FOXP1: variants seen among roughly 807,000 people sequenced by gnomAD.
The protein encoded by FOXP1 is forkhead box protein P1.
FOXP1 carries 15 observed loss-of-function variants against 98.2 expected under a neutral mutation model. The observed-to-expected ratio is 0.15, with a 90% confidence interval of 0.10 to 0.24. FOXP1 has a LOEUF of 0.24. Ranked by LOEUF, FOXP1 falls within the 10% of genes least tolerant of loss-of-function variation. The pLI, the probability that FOXP1 is intolerant of heterozygous loss-of-function variation, is 1.00. For synonymous variants in FOXP1, 371 were observed against 314.5 expected, an observed-to-expected ratio of 1.18 and a Z score of -1.90; for missense variants, 633 against 848.5, an observed-to-expected ratio of 0.75 and a Z score of 3.15.
chr3:71,019,368 A>C (rs1281297005), intron 11 of FOXP1, among the ~76,000 whole-genome samples: 1 of 152,246 alleles, frequency 6.6e-6, no homozygotes, highest in East Asian at 1.9e-4. Context: ...TGATGAAAAT[A>C]GATACATTTT....
intron 7 of FOXP1, among the ~76,000 whole-genome samples, chr3:71,081,314 C>T (rs2054389269): frequency 6.6e-6 from 1 of 152,110 alleles, no homozygotes; most frequent in Non-Finnish European, 1.5e-5. Flanking sequence ...AACCCTCAGC[C>T]ATTATCCTGG....
intron 3 of FOXP1, among the ~76,000 whole-genome samples, chr3:71,362,998 T>C (rs1388851944): frequency 6.6e-6 from 1 of 152,190 alleles, no homozygotes; most frequent in Non-Finnish European, 1.5e-5. Flanking sequence ...TCTAGTCTAC[T>C]AAACCTTGTA....
chr3:71,532,378 T>G (rs1192068511), intron 2 of FOXP1, among the ~76,000 whole-genome samples: 1 of 152,176 alleles, frequency 6.6e-6, no homozygotes, highest in Non-Finnish European at 1.5e-5. Context: ...ATTACAGGCA[T>G]GAGCCACCAC....
At position 71,373,924 on chromosome 3, in the gene FOXP1, G is replaced by A. The variant is rs569278760; in HGVS notation, c.-167-14680C>T. 8.2e-4 allele frequency among the ~76,000 whole-genome samples: 125 copies of A among 152,284 alleles called. 1 individual carries two copies. The highest frequency in any genetic ancestry group is 3.4e-3 in the Middle Eastern group (1 of 294). On this transcript the variant is annotated intron_variant, in intron 3 of 20. Transcript: ENST00000649528. The stretch of plus-strand genomic sequence containing the variant: ...GGTTTGCTGAATCTTTTCAAATAAA[G>A]TTCTGTTTCTATATACTGCAGGAGG...
chr3:71,045,692 C>A (rs2048928137), intron 10 of FOXP1, among the ~76,000 whole-genome samples: 1 of 152,008 alleles, frequency 6.6e-6, no homozygotes, highest in South Asian at 2.1e-4. Flanking sequence ...AGGAAAAAGC[C>A]CTGGTCTCGA....
At chr3:71,003,937 C>T (rs750955559) in intron 12 of FOXP1, among the ~76,000 whole-genome samples, 1 of 151,950 alleles carries the variant, frequency 6.6e-6, no homozygotes, top group East Asian at 1.9e-4. Context: ...GGCATGCTTC[C>T]GTGCTCAACT....
chr3:71,031,298 A>C (rs2046832957), intron 11 of FOXP1, among the ~76,000 whole-genome samples: 1 of 152,204 alleles, frequency 6.6e-6, no homozygotes. Flanking sequence ...AAGACTATAA[A>C]AGGAATGAAA....
At chr3:71,497,287 A>G (rs2091486479) in intron 2 of FOXP1, among the ~76,000 whole-genome samples, 1 of 152,210 alleles carries the variant, frequency 6.6e-6, no homozygotes. Context: ...GAAGTTTATC[A>G]CCTCTCTATA....
intron 7 of FOXP1, among the ~76,000 whole-genome samples, chr3:71,098,593 T>C (rs2107650151): frequency 6.6e-6 from 1 of 152,308 alleles, no homozygotes; most frequent in East Asian, 1.9e-4. Flanking sequence ...TGAACCAGTA[T>C]CAATTTTCCT....
chr3:70,994,075 G>C (rs1159856106), intron 13 of FOXP1, among the ~76,000 whole-genome samples: 3 of 151,776 alleles, frequency 2.0e-5, no homozygotes, highest in African/African-American at 7.3e-5. Context: ...GAAATAGGGT[G>C]GTGTGTACTC....
At chr3:71,329,890 T>C (rs955063676) in intron 4 of FOXP1, 29 of 152,310 alleles carry the variant, frequency 1.9e-4, no homozygotes, top group African/African-American at 7.0e-4. Context: ...CGAGTGTTCA[T>C]TTGACAAGAC....
chr3:71,206,705 T>C (rs1322342240), intron 5 of FOXP1, among the ~76,000 whole-genome samples: 1 of 152,238 alleles, frequency 6.6e-6, no homozygotes, highest in African/African-American at 2.4e-5. Flanking sequence ...ACTGTCTTCA[T>C]CAAACTTTCT....
intron 6 of FOXP1, among the ~76,000 whole-genome samples, chr3:71,128,258 C>T (rs576756653): frequency 6.6e-6 from 1 of 151,082 alleles, no homozygotes; most frequent in East Asian, 1.9e-4. Flanking sequence ...CAGTGAATGC[C>T]TACATATTAA....
chr3:71,405,051 C>A (rs1300869167), intron 3 of FOXP1, among the ~76,000 whole-genome samples: 1 of 152,188 alleles, frequency 6.6e-6, no homozygotes, highest in African/African-American at 2.4e-5. Context: ...AGGCACTGCA[C>A]CAGCACGCAG....
chr3:71,459,022 T>C (rs1371384125), intron 3 of FOXP1, among the ~76,000 whole-genome samples: 2 of 152,218 alleles, frequency 1.3e-5, no homozygotes, highest in African/African-American at 4.8e-5. Context: ...ATTCTGGTGT[T>C]TCAAGGCTTT....
rs1474331302 is a variant in FOXP1, at chr3:70,960,080, C to T, written c.1890-689G>A. ...TTAACATGCAGAACCTGTGAAAGAA[C>T]TCTCCAGAGGACGACCCCAAGCGAG... On this transcript the variant is annotated intron_variant, in intron 20 of 20. Transcript: ENST00000649528. Among the ~76,000 whole-genome samples the T allele has an allele frequency of 3.3e-5, 5 of 152,166 alleles. No individual in the cohort carries two copies. The East Asian group carries it at 9.6e-4, about 29-fold the overall frequency.
At chr3:71,340,703 C>T (rs1034614794) in intron 4 of FOXP1, among the ~76,000 whole-genome samples, 9 of 152,080 alleles carry the variant, frequency 5.9e-5, no homozygotes, top group Non-Finnish European at 1.2e-4. Flanking sequence ...CTCAATTGGA[C>T]CCTACCAGCT....
At position 71,492,024 on chromosome 3, in the gene FOXP1, G is replaced by C. The variant is rs72961262; in HGVS notation, c.-168+1402C>G. 6.4e-3 allele frequency among the ~76,000 whole-genome samples: 973 copies of C among 152,096 alleles called. 13 individuals are homozygous for C. The highest frequency in any genetic ancestry group is 0.022 in the African/African-American group (925 of 41,456). ...ATGGTCCAGCCCAGACCAACCCCAG[G>C]GACTTAGCCATCCCACCTAGACTCA... On this transcript the variant is annotated intron_variant, in intron 3 of 20. Coordinates refer to ENST00000649528, the MANE Select transcript of FOXP1 (RefSeq NM_001349338.3).
intron 9 of FOXP1, among the ~76,000 whole-genome samples, chr3:71,048,565 T>A (rs2049365711): frequency 6.6e-6 from 1 of 152,158 alleles, no homozygotes; most frequent in Non-Finnish European, 1.5e-5. Context: ...TAAATTTAAA[T>A]GAAAAGCCAG....
Sources: allele counts gnomAD v4.1 joint callset (sites outside exome capture counted in the v4.1 genomes callset), GRCh38; gene constraint gnomAD v4.1.1; transcripts MANE v1.5; gene names NCBI Gene and HGNC (gene_info 2026-07-23, HGNC 2026-07-21).